NUP214: variants seen among roughly 807,000 people sequenced by gnomAD.
NUP214 encodes the protein nuclear pore complex protein Nup214.
In NUP214, 79 loss-of-function variants were observed where a neutral mutation model predicts 196.2. The observed-to-expected ratio is 0.40, with a 90% CI of 0.34 to 0.49. NUP214 has a LOEUF of 0.49. NUP214 is among the 20% of genes least tolerant of loss of function. The probability of loss-of-function intolerance (pLI) is 0.58; values close to 1 mark genes in which losing one functional copy is unlikely to be tolerated. For synonymous variants in NUP214, 1,020 were observed against 990.5 expected, an observed-to-expected ratio of 1.03 and a Z score of -0.56; for missense variants, 2,468 against 2,539.0, an observed-to-expected ratio of 0.97 and a Z score of 0.60.
chr9:131,125,893 C>A lies in NUP214; in HGVS notation c.45+144C>A. 5.0e-6 allele frequency: 5 copies of A among 1,003,762 alleles called. No homozygotes were observed. The highest frequency in any genetic ancestry group is 1.5e-5 in the South Asian group (1 of 67,564). The allele number at this position is 1,003,762 out of a possible 1,614,324, so 62.2% of individuals were successfully genotyped here. ...TCACAGCTCTCACCAGCGCGTCTGC[C>A]GCGCCGCTGGCGTGATAGCCCCACC... On this transcript the variant is annotated intron_variant, in intron 1 of 35. Transcript: ENST00000359428. This position sits in a 1 kb window ranked among gnomAD's most constrained non-coding sequence, Gnocchi z 4.1.
Position 131,154,388 on chromosome 9 carries a change from C to A in NUP214, c.2436+2494C>A, listed in dbSNP as rs570151120. ...TAGCCCTTACCGCCCTCTCTCCTTTCCCCCCAAGTCTCCAGAGTCCATTGT... is the reference window on the plus strand; with the variant it reads ...TAGCCCTTACCGCCCTCTCTCCTTTACCCCCAAGTCTCCAGAGTCCATTGT... On this transcript the variant is annotated intron_variant, in intron 17 of 35. Coordinates refer to ENST00000359428, the MANE Select transcript of NUP214 (RefSeq NM_005085.4). Among the ~76,000 whole-genome samples, 12 of 152,140 alleles carry A rather than the reference C, an allele frequency of 7.9e-5. No homozygotes were observed. The South Asian group carries it at 2.3e-3, about 29-fold the overall frequency.
intron 30 of NUP214, among the ~76,000 whole-genome samples, chr9:131,207,350 G>A (rs1334260737): frequency 1.3e-5 from 2 of 152,210 alleles, no homozygotes; most frequent in African/African-American, 4.8e-5. Flanking sequence ...GCTGGAAGAA[G>A]GGAAGACTGG....
intron 35 of NUP214, among the ~76,000 whole-genome samples, 181 bp from the exon 36 acceptor site, chr9:131,233,273 T>G (rs536786816): frequency 6.6e-6 from 1 of 151,780 alleles, no homozygotes; most frequent in South Asian, 2.1e-4. Flanking sequence ...GAGACAGAGG[T>G]TGCAGTGAGC....
At position 131,198,317 on chromosome 9, in the gene NUP214, C is replaced by A. The variant is rs2131046773; in HGVS notation, c.4823C>A (p.Ala1608Asp). 1 of 1,614,234 alleles carries A rather than the reference C, an allele frequency of 6.2e-7. No individual in the cohort carries two copies. Among genetic ancestry groups the A allele is most frequent in the East Asian group, 2.2e-5 (1 of 44,890 alleles). Residue 1608 changes from alanine to aspartate, a missense_variant, in exon 29 of 36, where the codon GCC becomes GAC. Transcript: ENST00000359428. ...GCTATCTCAAGTGCAGGCCCTGTGGCCGTCGAAACATCAAGTACCCCCATA... is the reference window on the plus strand; with the variant it reads ...GCTATCTCAAGTGCAGGCCCTGTGGACGTCGAAACATCAAGTACCCCCATA... ...AAAISSAGPV[A>D]VETSSTPIAS...
At chr9:131,221,772 G>A (rs796486453) in intron 31 of NUP214, among the ~76,000 whole-genome samples, 14 of 152,224 alleles carry the variant, frequency 9.2e-5, no homozygotes, top group African/African-American at 3.4e-4. Context: ...TGCCTTGTGG[G>A]CATATATTCA....
rs1299073895 is a variant in NUP214, at chr9:131,198,152, C to G, written c.4658C>G (p.Thr1553Ser). 6.2e-7 allele frequency: 1 copy of G among 1,614,110 alleles called. No homozygotes were observed. Among genetic ancestry groups the G allele is most frequent in the African/African-American group, 1.3e-5 (1 of 74,940 alleles). Residue 1553 changes from threonine (T) to serine (S), a missense_variant, in exon 29 of 36, where the codon ACT (threonine) becomes AGT (serine). Coordinates refer to ENST00000359428, the MANE Select transcript of NUP214 (RefSeq NM_005085.4). ...CAGCCTGCAGTCAGCAACTCTGGCA[C>G]TGCAGCATCTAGTACTAGTCTTGTA... Reference protein sequence around the residue: ...LAQPAVSNSGTAASSTSLVAL... With the variant: ...LAQPAVSNSGSAASSTSLVAL...
intron 18 of NUP214, among the ~76,000 whole-genome samples, chr9:131,162,190 T>A (rs1832659358): frequency 6.6e-6 from 1 of 152,204 alleles, no homozygotes; most frequent in Non-Finnish European, 1.5e-5. Context: ...GGAATTCAGC[T>A]CTACTGTAAT....
At chr9:131,191,545 G>A (rs1833602720) in intron 26 of NUP214, 1 of 152,166 alleles carries the variant, frequency 6.6e-6, no homozygotes, top group Non-Finnish European at 1.5e-5. Flanking sequence ...AGTAGTTAGA[G>A]TGAAATCGAA....
chr9:131,143,121 C>T (rs965857147), intron 11 of NUP214, among the ~76,000 whole-genome samples: 1 of 152,132 alleles, frequency 6.6e-6, no homozygotes, highest in South Asian at 2.1e-4. Flanking sequence ...ATCCTCCCAC[C>T]TCAGCCTCCC....
At chr9:131,215,075 G>GTTAGAGCAT in intron 30 of NUP214, 137 bp from the exon 31 acceptor site, 1 of 672,050 alleles carries the variant, frequency 1.5e-6, no homozygotes, top group Non-Finnish European at 2.3e-6. Flanking sequence ...TTTTGTGGTG[G>GTTAGAGCAT]TTAGAGCATT....
At chr9:131,222,522 T>G in intron 31 of NUP214, 1 of 338,652 alleles carries the variant, frequency 3.0e-6, no homozygotes, top group African/African-American at 2.1e-5. Flanking sequence ...CTCTCACTGC[T>G]CCTTTATTTT....
At chr9:131,128,307 G>C (rs1472219388) in intron 2 of NUP214, 25 bp from the exon 3 acceptor site, 1 of 1,599,664 alleles carries the variant, frequency 6.3e-7, no homozygotes, top group Non-Finnish European at 8.5e-7. Flanking sequence ...ACCGTTTTCT[G>C]CTTTGTATTT....
intron 4 of NUP214, among the ~76,000 whole-genome samples, chr9:131,130,230 A>G (rs140987669): frequency 0.014 from 1,767 of 129,200 alleles, 15 homozygotes; most frequent in Middle Eastern, 0.057. Flanking sequence ...TGCAACCTCC[A>G]CCTGCTGGGT....
At chr9:131,219,852 A>G (rs1834510114) in intron 31 of NUP214, among the ~76,000 whole-genome samples, 2 of 152,384 alleles carry the variant, frequency 1.3e-5, no homozygotes, top group South Asian at 4.1e-4. Context: ...TATCCTGGGC[A>G]AGAGCTTCCT....
chr9:131,233,335 C>CA, intron 35 of NUP214, 119 bp from the exon 36 acceptor site: 3 of 1,037,180 alleles, frequency 2.9e-6, no homozygotes, highest in South Asian at 1.8e-5. Flanking sequence ...GACTCTGTAT[C>CA]AAAAAAATAA....
intron 30 of NUP214, among the ~76,000 whole-genome samples, chr9:131,202,028 A>G (rs995862362): frequency 3.3e-5 from 5 of 152,122 alleles, no homozygotes; most frequent in Non-Finnish European, 7.4e-5. Flanking sequence ...CAGTGGCACA[A>G]TCACAGCTGA....
rs1832085981 is a variant in NUP214 at position 131,146,303 on chromosome 9, A to C, written c.1944A>C (p.Ser648=). ...PLKSSVLPSP[S]GRSAQGSSSP... ...AGTCCTCAGTCTTGCCCTCACCATCAGGTATGATTTTAAGCAGACAACTTT... is the reference window on the plus strand; with the variant it reads ...AGTCCTCAGTCTTGCCCTCACCATCCGGTATGATTTTAAGCAGACAACTTT... Residue 648 remains serine (S), a splice_region_variant and synonymous_variant, in exon 13 of 36, where the codon TCA becomes TCC. Coordinates refer to ENST00000359428, the MANE Select transcript of NUP214 (RefSeq NM_005085.4). This position sits in a 1 kb window ranked among gnomAD's most constrained non-coding sequence, Gnocchi z 4.6. 6.2e-7 allele frequency: 1 copy of C among 1,613,906 alleles called. No homozygotes were observed. Among genetic ancestry groups the C allele is most frequent in the Admixed American group, 1.7e-5 (1 of 59,992 alleles).
intron 32 of NUP214, among the ~76,000 whole-genome samples, chr9:131,223,736 T>TATTTA (rs1415275798): frequency 7.0e-5 from 2 of 28,572 alleles, no homozygotes; most frequent in African/African-American, 1.5e-4. Context: ...TATTTTTTTT[T>TATTTA]TTTTTTTTTT....
Position 131,233,516 on chromosome 9 carries a change from G to T in NUP214, c.*29G>T, listed in dbSNP as rs1231414919. Reference sequence around the variant, plus strand: ...CGTGTCAGCAGGCCTTTCGATCCCTGGGACCAACCGCATCCTCAGCTTCTT... The same window carrying T: ...CGTGTCAGCAGGCCTTTCGATCCCTTGGACCAACCGCATCCTCAGCTTCTT... On this transcript the variant is annotated 3_prime_UTR_variant, in exon 36 of 36. Coordinates refer to ENST00000359428, the MANE Select transcript of NUP214 (RefSeq NM_005085.4). 2 of 1,613,194 alleles carry T rather than the reference G, an allele frequency of 1.2e-6. No homozygotes were observed.
Sources: gnomAD v4.1 joint callset for allele counts (sites outside exome capture counted in the v4.1 genomes callset) on GRCh38, gnomAD v4.1.1 for gene constraint, Gnocchi (gnomAD v3.1) non-coding constraint, MANE v1.5 for transcripts, NCBI Gene and HGNC (gene_info 2026-07-23, HGNC 2026-07-21) for gene names.